KLF12: variants seen among roughly 807,000 people sequenced by gnomAD.
KLF12 encodes the protein KLF transcription factor 12.
In KLF12, 9 loss-of-function variants were observed where a neutral mutation model predicts 37.8. That is an observed-to-expected ratio of 0.24 (90% CI 0.14 to 0.42). The LOEUF (loss-of-function observed/expected upper bound fraction) is 0.42. Ranked by LOEUF, KLF12 falls within the 10% of genes least tolerant of loss-of-function variation. The pLI is 1.00. For synonymous variants in KLF12, 208 were observed against 202.1 expected, an observed-to-expected ratio of 1.03 and a Z score of -0.25; for missense variants, 411 against 516.0, an observed-to-expected ratio of 0.80 and a Z score of 1.97.
intron 7 of KLF12, among the ~76,000 whole-genome samples, chr13:73,705,200 T>C (rs988580447): frequency 6.6e-6 from 1 of 152,236 alleles, no homozygotes; most frequent in Non-Finnish European, 1.5e-5. Context: ...TTAAAATATA[T>C]CTCTTACAAT....
chr13:73,961,110 A>G (rs890901663), intron 2 of KLF12, among the ~76,000 whole-genome samples: 1 of 152,144 alleles, frequency 6.6e-6, no homozygotes, highest in African/African-American at 2.4e-5. Context: ...CTATCTTATA[A>G]TCACAACAAT....
intron 5 of KLF12, among the ~76,000 whole-genome samples, chr13:73,790,834 C>G (rs971773399): frequency 2.0e-5 from 3 of 152,168 alleles, no homozygotes; most frequent in African/African-American, 7.2e-5. Context: ...ACAGGGCCAG[C>G]CCAGCAGAAA....
intron 1 of KLF12, among the ~76,000 whole-genome samples, chr13:74,079,969 CA>C (rs1475263438): frequency 6.6e-6 from 1 of 152,048 alleles, no homozygotes; most frequent in African/African-American, 2.4e-5. Context: ...GAAGCAAACC[CA>C]AAAGTCCATC....
At chr13:74,042,106 C>A (rs1232680738) in intron 1 of KLF12, among the ~76,000 whole-genome samples, 2 of 151,886 alleles carry the variant, frequency 1.3e-5, no homozygotes, top group East Asian at 3.9e-4. Flanking sequence ...GAGTTCAAGA[C>A]CAGCCTGCCC....
At chr13:74,038,642 T>C (rs1192300212) in intron 1 of KLF12, among the ~76,000 whole-genome samples, 1 of 152,204 alleles carries the variant, frequency 6.6e-6, no homozygotes, top group Non-Finnish European at 1.5e-5. Flanking sequence ...AAAATGAACA[T>C]ATTAACCTAA....
At chr13:74,207,680 A>G in the KLF12 span, among the ~76,000 whole-genome samples, 1 of 152,152 alleles carries the variant, frequency 6.6e-6, no homozygotes, top group African/African-American at 2.4e-5. Context: ...CTCAAAAACA[A>G]AAACAAAACA....
intron 6 of KLF12, among the ~76,000 whole-genome samples, chr13:73,757,471 C>T (rs1879251982): frequency 6.6e-6 from 1 of 152,122 alleles, no homozygotes; most frequent in South Asian, 2.1e-4. Context: ...TACTAAGAAA[C>T]TTTATGAAGA....
the KLF12 span, among the ~76,000 whole-genome samples, chr13:74,284,223 T>C: frequency 6.6e-6 from 1 of 152,116 alleles, no homozygotes; most frequent in Non-Finnish European, 1.5e-5. Context: ...TATGATCTTA[T>C]AGTGAGTGGA....
upstream of KLF12, among the ~76,000 whole-genome samples, chr13:74,135,348 C>T (rs1164207792): frequency 6.6e-6 from 1 of 151,892 alleles, no homozygotes; most frequent in Non-Finnish European, 1.5e-5. Flanking sequence ...AGTCCAGCTC[C>T]ACTGCCCCAC....
At chr13:74,175,721 T>C in the KLF12 span, among the ~76,000 whole-genome samples, 2 of 152,200 alleles carry the variant, frequency 1.3e-5, no homozygotes, top group Non-Finnish European at 2.9e-5. Flanking sequence ...AGACAACTTC[T>C]TAACAAAGTT....
At position 74,079,201 on chromosome 13, in the gene KLF12, AAAAT is replaced by A. The variant is rs1593881801; in HGVS notation, c.-32+54534_-32+54537del. 4.0e-5 allele frequency among the ~76,000 whole-genome samples: 5 copies of A among 126,356 alleles called. No homozygotes were observed. In the South Asian group the frequency reaches 1.1e-3, roughly 29 times the overall value. 82.9% of individuals were successfully genotyped at this position (126,356 alleles called of 152,430 possible). A position where few individuals can be genotyped will look rare whatever the true frequency, so the allele number is the denominator to read the frequency against. On this transcript the variant is annotated intron_variant, in intron 1 of 7. Transcript: ENST00000377669. ...AAAGCAGTCAAATTCGTAGAGACAC[AAAAT>A]AGAACGGGTACCAGGGGCTGAGGGG...
chr13:73,826,611 G>T (rs997867838), intron 4 of KLF12, among the ~76,000 whole-genome samples: 7 of 152,080 alleles, frequency 4.6e-5, no homozygotes, highest in Non-Finnish European at 1.0e-4. Flanking sequence ...AAGCTCCTTT[G>T]TATTTTTTTA....
the KLF12 span, among the ~76,000 whole-genome samples, chr13:74,161,083 T>TTG: frequency 1.3e-5 from 2 of 151,380 alleles, no homozygotes; most frequent in African/African-American, 4.9e-5. Context: ...TTTTTTTTTT[T>TTG]TAATTGACAA....
the KLF12 span, among the ~76,000 whole-genome samples, chr13:74,178,657 C>T: frequency 6.6e-6 from 1 of 152,138 alleles, no homozygotes; most frequent in African/African-American, 2.4e-5. Flanking sequence ...CTCCCTAAAA[C>T]ATGTTTCTTT....
chr13:73,775,360 C>T (rs894253717), intron 5 of KLF12, among the ~76,000 whole-genome samples: 3 of 152,064 alleles, frequency 2.0e-5, no homozygotes, highest in African/African-American at 7.2e-5. Context: ...GAGATGAAGG[C>T]ATTTTCAAAG....
At chr13:73,785,583 C>A (rs1484264262) in intron 5 of KLF12, among the ~76,000 whole-genome samples, 1 of 151,946 alleles carries the variant, frequency 6.6e-6, no homozygotes, top group East Asian at 1.9e-4. Flanking sequence ...TATCTAAAAC[C>A]AAACTTATAT....
At chr13:73,739,822 G>A (rs1309753435) in intron 6 of KLF12, among the ~76,000 whole-genome samples, 1 of 152,180 alleles carries the variant, frequency 6.6e-6, no homozygotes, top group African/African-American at 2.4e-5. Context: ...AAAAACATTT[G>A]TAAATTTATC....
chr13:73,973,366 A>G (rs1266258615), intron 2 of KLF12, among the ~76,000 whole-genome samples: 3 of 152,220 alleles, frequency 2.0e-5, no homozygotes, highest in African/African-American at 7.2e-5. Flanking sequence ...AATAGTCTGC[A>G]TGCCTTTATA....
chr13:73,958,503 A>G (rs947138565), intron 2 of KLF12, among the ~76,000 whole-genome samples: 1 of 152,158 alleles, frequency 6.6e-6, no homozygotes, highest in Non-Finnish European at 1.5e-5. Flanking sequence ...TCAGCCTCCC[A>G]AAGTGCTGGA....
Sources: allele counts gnomAD v4.1 joint callset (sites outside exome capture counted in the v4.1 genomes callset), GRCh38; gene constraint gnomAD v4.1.1; transcripts MANE v1.5; gene names NCBI Gene and HGNC (gene_info 2026-07-23, HGNC 2026-07-21).